Variants in PTPRN2 observed in about 807,000 individuals in gnomAD.
PTPRN2 encodes protein tyrosine phosphatase receptor type N2, also known as receptor-type tyrosine-protein phosphatase N2.
PTPRN2 carries 74 observed loss-of-function variants against 118.8 expected under a neutral mutation model. The observed-to-expected ratio is 0.62, with a 90% CI of 0.52 to 0.76. The LOEUF is 0.76. Ranked by LOEUF, PTPRN2 falls within the 30% of genes least tolerant of loss-of-function variation. The probability of loss-of-function intolerance (pLI) is 0.00; values close to 1 mark genes in which losing one functional copy is unlikely to be tolerated. For synonymous variants in PTPRN2, 641 were observed against 608.0 expected (o/e 1.05, Z -0.80); for missense variants, 1,481 against 1,394.4 (o/e 1.06, Z -0.99).
chr7:158,141,035 G>A (rs1406170667), intron 6 of PTPRN2, among the ~76,000 whole-genome samples: 4 of 151,944 alleles, frequency 2.6e-5, no homozygotes, highest in African/African-American at 4.8e-5. Context: ...GTCTCACCAC[G>A]ACCCTCCACT....
chr7:158,333,532 C>G (rs1366021924), intron 2 of PTPRN2, among the ~76,000 whole-genome samples: 16 of 148,930 alleles, frequency 1.1e-4, no homozygotes, highest in African/African-American at 4.1e-4. Context: ...AGACCTGACA[C>G]TCGCAGACGT....
intron 2 of PTPRN2, among the ~76,000 whole-genome samples, chr7:158,466,072 A>T (rs980620303): frequency 1.6e-4 from 25 of 152,324 alleles, no homozygotes; most frequent in Admixed American, 5.2e-4. Context: ...AAATTTTTGG[A>T]TGTACATTTG....
At chr7:157,939,555 A>G (rs1401488177) in intron 11 of PTPRN2, among the ~76,000 whole-genome samples, 1 of 152,256 alleles carries the variant, frequency 6.6e-6, no homozygotes, top group Non-Finnish European at 1.5e-5. Flanking sequence ...CAGTGGGGCC[A>G]TCATCTGCAT....
chr7:158,524,358 G>A (rs1173193061), intron 1 of PTPRN2, among the ~76,000 whole-genome samples: 1 of 92,074 alleles, frequency 1.1e-5, no homozygotes, highest in African/African-American at 4.0e-5. Flanking sequence ...CCCTGGAGTG[G>A]AGTCATCTGC....
chr7:157,730,339 T>C (rs1799824490), intron 12 of PTPRN2, among the ~76,000 whole-genome samples: 1 of 152,220 alleles, frequency 6.6e-6, no homozygotes, highest in South Asian at 2.1e-4. Flanking sequence ...GAAATGTGGC[T>C]ACTGTCCTTT....
intron 11 of PTPRN2, among the ~76,000 whole-genome samples, chr7:157,904,803 A>T (rs889325620): frequency 1.3e-5 from 2 of 152,208 alleles, no homozygotes; most frequent in Non-Finnish European, 2.9e-5. Context: ...CTCCTCCTGC[A>T]TCGCGAACGC....
chr7:158,468,305 T>C (rs1475122102), intron 2 of PTPRN2, among the ~76,000 whole-genome samples: 2 of 152,220 alleles, frequency 1.3e-5, no homozygotes, highest in Admixed American at 6.5e-5. Flanking sequence ...GGAAACTGAA[T>C]TCCCTCACCG....
At chr7:157,777,722 C>G (rs1436305159) in intron 12 of PTPRN2, among the ~76,000 whole-genome samples, 1 of 152,226 alleles carries the variant, frequency 6.6e-6, no homozygotes, top group African/African-American at 2.4e-5. Context: ...AACTTCACAT[C>G]CCAGTGGGAA....
chr7:157,619,177 G>A lies in PTPRN2; in HGVS notation c.2344+2185C>T, dbSNP rs912670877. Among the ~76,000 whole-genome samples the A allele has an allele frequency of 1.3e-5, 2 of 152,178 alleles. No homozygotes were observed. Among genetic ancestry groups the A allele is most frequent in the Admixed American group, 6.5e-5 (1 of 15,294 alleles). ...GAGCCCAGAAGGCTGCAGGGCACAC[G>A]GGAGGAAAACCCCATCGGCAGGTCG... On this transcript the variant is annotated intron_variant, in intron 15 of 22. Coordinates refer to ENST00000389418, the MANE Select transcript of PTPRN2 (RefSeq NM_002847.5). The surrounding 1 kb of genome is among the most constrained non-coding windows in gnomAD (Gnocchi z 5.3).
At chr7:157,545,333 T>TG (rs945793512) in intron 22 of PTPRN2, among the ~76,000 whole-genome samples, 17 of 148,182 alleles carry the variant, frequency 1.1e-4, no homozygotes, top group East Asian at 2.1e-4. Flanking sequence ...TAGGTGTGTG[T>TG]GGGGGGTGTG....
chr7:157,827,973 G>T (rs1409118317), intron 12 of PTPRN2, among the ~76,000 whole-genome samples: 1 of 152,226 alleles, frequency 6.6e-6, no homozygotes, highest in Non-Finnish European at 1.5e-5. Flanking sequence ...CAAGGCAGCT[G>T]CCCTGGAGGG....
At chr7:157,666,732 T>G (rs530610826) in intron 13 of PTPRN2, among the ~76,000 whole-genome samples, 2 of 152,210 alleles carry the variant, frequency 1.3e-5, no homozygotes, top group Admixed American at 6.5e-5. Flanking sequence ...CACAGAGTTG[T>G]TGGGAGGACT....
Position 157,682,766 on chromosome 7 carries a change from G to A in PTPRN2, c.1960C>T (p.Leu654=). The A allele has an allele frequency of 2.5e-6, 4 of 1,614,040 alleles. No individual in the cohort carries two copies. The Admixed American group carries it at 6.7e-5, about 27-fold the overall frequency. ...GCATCTGCACCTGGGTCGCCCCCTA[G>A]TCCCGAGAGCTTCTCCTTCAGCCTG... ...QHRLKEKLSG[L]GGDPGADATA... Residue 654 remains leucine (L), a synonymous_variant, in exon 13 of 23, where the codon CTA becomes TTA. Coordinates refer to ENST00000389418, the MANE Select transcript of PTPRN2 (RefSeq NM_002847.5).
chr7:158,424,197 G>C (rs1815495761), intron 2 of PTPRN2, among the ~76,000 whole-genome samples: 1 of 152,288 alleles, frequency 6.6e-6, no homozygotes, highest in East Asian at 1.9e-4. Context: ...AGAGGCCAGA[G>C]AGGGGAGGCA....
chr7:158,417,890 T>G (rs1191080259), intron 2 of PTPRN2, among the ~76,000 whole-genome samples: 3 of 137,360 alleles, frequency 2.2e-5, no homozygotes, highest in Non-Finnish European at 4.7e-5. Context: ...TGTTAAGTCA[T>G]GGTGTACTAC....
intron 12 of PTPRN2, among the ~76,000 whole-genome samples, chr7:157,818,578 G>A (rs964155478): frequency 3.3e-5 from 5 of 152,070 alleles, no homozygotes; most frequent in Non-Finnish European, 7.4e-5. Flanking sequence ...CAGAGGCCAC[G>A]ACACCGAGGC....
At chr7:158,225,831 G>C (rs560214171) in intron 3 of PTPRN2, among the ~76,000 whole-genome samples, 2 of 152,060 alleles carry the variant, frequency 1.3e-5, no homozygotes, top group African/African-American at 4.8e-5. Flanking sequence ...CATGGGAAGG[G>C]ACTTGGGGCT....
At chr7:158,286,955 T>C (rs1464485429) in intron 3 of PTPRN2, among the ~76,000 whole-genome samples, 1 of 152,202 alleles carries the variant, frequency 6.6e-6, no homozygotes, top group African/African-American at 2.4e-5. Context: ...TTAGGTAAGA[T>C]CAGCAGTAAA....
At chr7:158,062,403 C>T (rs995895909) in intron 11 of PTPRN2, among the ~76,000 whole-genome samples, 1 of 152,230 alleles carries the variant, frequency 6.6e-6, no homozygotes, top group Non-Finnish European at 1.5e-5. Context: ...AAGGTGATGG[C>T]GTGCTGGCAG....
Sources: allele counts gnomAD v4.1 joint callset (sites outside exome capture counted in the v4.1 genomes callset), GRCh38; gene constraint gnomAD v4.1.1; non-coding constraint Gnocchi (gnomAD v3.1); transcripts MANE v1.5; gene names NCBI Gene and HGNC (gene_info 2026-07-23, HGNC 2026-07-21).